Variants in ARHGEF1 observed in about 807,000 individuals in gnomAD.
The protein encoded by ARHGEF1 is Rho guanine nucleotide exchange factor 1, also known as 115 kDa guanine nucleotide exchange factor.
A neutral mutation model predicts 119.7 loss-of-function variants in ARHGEF1; 40 were observed. The ratio of observed to expected loss-of-function variants is 0.33; its 90% CI spans 0.26 to 0.44. The LOEUF is 0.44. ARHGEF1 is among the 20% of genes least tolerant of loss of function. The pLI, the probability that ARHGEF1 is intolerant of heterozygous loss-of-function variation, is 1.00. For missense variants in ARHGEF1, 976 were observed against 1,268.3 expected, an observed-to-expected ratio of 0.77 and a Z score of 3.50; for synonymous variants, 494 against 521.0, an observed-to-expected ratio of 0.95 and a Z score of 0.71.
rs782666167 is a variant in ARHGEF1, at chr19:41,894,505, A to G, written c.799A>G (p.Ser267Gly). 39 of 1,604,836 alleles carry G rather than the reference A, an allele frequency of 2.4e-5. No homozygotes were observed. The highest frequency in any genetic ancestry group is 3.1e-5 in the Non-Finnish European group (37 of 1,174,736). ...EPAKTKKGLS[S>G]ILDAARWNRG... ...TGCCAAGACCAAGAAGGGGCTGAGC[A>G]GCATCCTGGATGCCGCCCGCTGGAA... The change falls in exon 10 of 29, where the codon AGC becomes GGC. Residue 267 changes from serine (S) to glycine (G), a missense_variant. Physicochemically the swap from Ser to Gly is moderately conservative, Grantham distance 56. This residue lies in a region of ARHGEF1 where 519 missense variants were observed against 580.9 expected (regional missense o/e 0.89). Transcript: ENST00000354532.
chr19:41,928,807 T>C (rs1416325248), intron 1 of ARHGEF1: 1 of 422,068 alleles, frequency 2.4e-6, no homozygotes, highest in African/African-American at 2.0e-5. Context: ...CCTTCCCTTC[T>C]CCTCCGCCCC....
intron 12 of ARHGEF1, among the ~76,000 whole-genome samples, chr19:41,895,868 C>G (rs6509003): frequency 0.18 from 28,010 of 152,218 alleles, 7,218 homozygotes; most frequent in African/African-American, 0.58. Flanking sequence ...CCTCACCATC[C>G]TTACACTGCT....
At chr19:41,887,503 G>C (rs2074311594) in intron 1 of ARHGEF1, among the ~76,000 whole-genome samples, 1 of 152,102 alleles carries the variant, frequency 6.6e-6, no homozygotes, top group Non-Finnish European at 1.5e-5. Flanking sequence ...GAGGGAGGAG[G>C]GTTCTGAGTT....
In ARHGEF1 at chr19:41,916,380, CATGT is replaced by C. The variant is rs2145896074; in HGVS notation, c.1866-6711_1866-6708del. Among the ~76,000 whole-genome samples the C allele has an allele frequency of 6.6e-6, 1 of 152,198 alleles. No homozygotes were observed. Among genetic ancestry groups the C allele is most frequent in the East Asian group, 1.9e-4 (1 of 5,178 alleles). Reference sequence around the variant, plus strand: ...ACACACAACCCACATCACACAGATGCATGTGTCAGTAAAGTCACACACCAACACT... The same window carrying C: ...ACACACAACCCACATCACACAGATGCGTCAGTAAAGTCACACACCAACACT... On this transcript the variant is annotated intron_variant, in intron 18 of 20. Transcript: ENST00000599589. This position sits in a 1 kb window ranked among gnomAD's most constrained non-coding sequence, Gnocchi z 5.4.
At chr19:41,921,485 G>A (rs1305538887), upstream of ARHGEF1, among the ~76,000 whole-genome samples, 3 of 152,194 alleles carry the variant, frequency 2.0e-5, no homozygotes, top group Admixed American at 6.5e-5. The surrounding 1 kb of genome is among the most constrained non-coding windows in gnomAD (Gnocchi z 4.4). Context: ...TGCACACGCA[G>A]AGAGAAGAGA....
intron 8 of ARHGEF1, 128 bp from the exon 9 acceptor site, chr19:41,894,079 A>G (rs781964521): frequency 1.8e-6 from 1 of 549,228 alleles, no homozygotes; most frequent in Non-Finnish European, 2.9e-6. Context: ...TTGTGGGGTC[A>G]GGATGGGAAG....
intron 18 of ARHGEF1, among the ~76,000 whole-genome samples, chr19:41,915,239 G>A (rs782082031): frequency 4.1e-5 from 6 of 147,738 alleles, no homozygotes. Context: ...ACGAGGAGCC[G>A]TGGGATCGGC....
At chr19:41,895,222 T>A in intron 11 of ARHGEF1, 127 bp from the exon 12 acceptor site, 1 of 1,287,126 alleles carries the variant, frequency 7.8e-7, no homozygotes, top group Non-Finnish European at 1.1e-6. Context: ...CTCCTGGGTC[T>A]GAGGGAGGAA....
chr19:41,918,104 C>T (rs1260505709), upstream of ARHGEF1, among the ~76,000 whole-genome samples: 7 of 151,924 alleles, frequency 4.6e-5, no homozygotes, highest in East Asian at 1.9e-4. Flanking sequence ...CCATCCCGGA[C>T]GCCACCCCCA....
intron 14 of ARHGEF1, among the ~76,000 whole-genome samples, 192 bp from the exon 15 acceptor site, chr19:41,901,695 C>G (rs548714421): frequency 2.0e-5 from 3 of 152,166 alleles, no homozygotes; most frequent in Admixed American, 2.0e-4. Flanking sequence ...TCAAGCAATC[C>G]TCTTGCCTTG....
At chr19:41,923,228 A>G (rs1555852810) in exon 1 of ARHGEF1, 1 of 455,744 alleles carries the variant, frequency 2.2e-6, no homozygotes, top group Non-Finnish European at 4.4e-6. Context: ...CTGGACTTGA[A>G]TGCAGGTCAG....
chr19:41,915,221 ACGTTATAACGAGGAGC>A (rs1349602668), intron 18 of ARHGEF1, among the ~76,000 whole-genome samples: 2 of 131,930 alleles, frequency 1.5e-5, no homozygotes, highest in Admixed American at 8.8e-5. Context: ...TCCTCCGGAC[ACGTTATAACGAGGAGC>A]CGTGGGATCG....
rs2074639958 is a variant in ARHGEF1 at position 41,903,587 on chromosome 19, C to T, written c.1840-120C>T. ...CCTCTCAGGGTCATTGGAGGTCAGG[C>T]CCAACCCTCAGCTTGCCCGCATCAG... On this transcript the variant is annotated intron_variant, in intron 19 of 28. Transcript: ENST00000354532. This position sits in a 1 kb window ranked among gnomAD's most constrained non-coding sequence, Gnocchi z 4.2. The T allele has an allele frequency of 8.3e-7, 1 of 1,200,042 alleles. No individual in the cohort carries two copies. Among genetic ancestry groups the T allele is most frequent in the African/African-American group, 1.5e-5 (1 of 66,650 alleles). The allele number at this position is 1,200,042 out of a possible 1,614,324, so 74.3% of individuals were successfully genotyped here. A position where few individuals can be genotyped will look rare whatever the true frequency, so the allele number is the denominator to read the frequency against.
rs202012713 is a variant in ARHGEF1, at chr19:41,894,238, A to G, written c.676A>G (p.Met226Val). ...CGTGGTCAACGCCATTGGCCTGTAC[A>G]TGCGCCACCTTGGGGTGCGGACCAA... is the stretch of plus-strand genomic sequence containing the variant. ...AAVVNAIGLY[M>V]RHLGVRTKSG... The change falls in exon 9 of 29, where the codon ATG becomes GTG. Residue 226 changes from methionine (M) to valine (V), a missense_variant. Met to Val is a conservative substitution (Grantham distance 21). Around this residue, in one of 3 missense-constraint regions of ARHGEF1, gnomAD observed 519 missense variants for 580.9 expected, o/e 0.89. Coordinates refer to ENST00000354532, the MANE Select transcript of ARHGEF1 (RefSeq NM_004706.4). 27 of 1,558,100 alleles carry G rather than the reference A, an allele frequency of 1.7e-5. No homozygotes were observed. The highest frequency in any genetic ancestry group is 3.9e-5 in the Admixed American group (2 of 50,838).
upstream of ARHGEF1, among the ~76,000 whole-genome samples, chr19:41,918,600 CACAG>C (rs1250943852): frequency 3.4e-5 from 5 of 148,612 alleles, 1 homozygote; most frequent in African/African-American, 5.0e-5. Flanking sequence ...CACTACCCAT[CACAG>C]ACAAACCACA....
intron 13 of ARHGEF1, chr19:41,898,124 C>T (rs1568818840): frequency 7.2e-7 from 1 of 1,388,534 alleles, no homozygotes; most frequent in Non-Finnish European, 9.3e-7. Flanking sequence ...GTATGTCAAC[C>T]CTCTCCCTTC....
At chr19:41,915,326 C>G (rs985530694) in intron 18 of ARHGEF1, among the ~76,000 whole-genome samples, 3 of 151,612 alleles carry the variant, frequency 2.0e-5, no homozygotes, top group Non-Finnish European at 4.4e-5. Flanking sequence ...CTGTGCCCAG[C>G]CTTCGTCCTG....
rs143798659 is a variant in ARHGEF1 at position 41,903,817 on chromosome 19, C to G, written c.1917+33C>G. 4.8e-4 allele frequency: 779 copies of G among 1,607,550 alleles called. 4 individuals are homozygous for G. In the African/African-American group the frequency reaches 7.8e-3, roughly 16 times the overall value. Reference sequence around the variant, plus strand: ...CATACCCTCCTGCCTCCCCCGCCCCCCTACTCCTTGGCCCAGGGGATTCTG... The same window carrying G: ...CATACCCTCCTGCCTCCCCCGCCCCGCTACTCCTTGGCCCAGGGGATTCTG... On this transcript the variant is annotated intron_variant, in intron 20 of 28. Transcript: ENST00000354532. This position sits in a 1 kb window ranked among gnomAD's most constrained non-coding sequence, Gnocchi z 4.2.
At chr19:41,919,332 G>A (rs782465053), upstream of ARHGEF1, among the ~76,000 whole-genome samples, 2 of 152,022 alleles carry the variant, frequency 1.3e-5, no homozygotes, top group African/African-American at 4.8e-5. Flanking sequence ...AGACACATGC[G>A]CCATCCAACA....
Sources: gnomAD v4.1 joint callset for allele counts (sites outside exome capture counted in the v4.1 genomes callset) on GRCh38, gnomAD v4.1.1 for gene constraint, gnomAD v4.1.1 regional missense constraint, Gnocchi (gnomAD v3.1) non-coding constraint, MANE v1.5 for transcripts, NCBI Gene and HGNC (gene_info 2026-07-23, HGNC 2026-07-21) for gene names.